Variants in STRADA observed in about 807,000 individuals in gnomAD.
STRADA encodes STE20 related adaptor alpha.
A neutral mutation model predicts 55.0 loss-of-function variants in STRADA; 26 were observed. The observed-to-expected ratio is 0.47, with a 90% CI of 0.35 to 0.66. The LOEUF is 0.66. Ranked by LOEUF, STRADA falls within the 30% of genes least tolerant of loss-of-function variation. The pLI is 0.01. For synonymous variants in STRADA, 197 were observed against 210.9 expected, an observed-to-expected ratio of 0.93 and a Z score of 0.57; for missense variants, 443 against 549.7, an observed-to-expected ratio of 0.81 and a Z score of 1.94.
In STRADA at chr17:63,723,208, T is replaced by A. The variant is rs1327405889; in HGVS notation, c.123+90A>T. On this transcript the variant is annotated intron_variant, in intron 4 of 12. Coordinates refer to ENST00000336174, the MANE Select transcript of STRADA (RefSeq NM_001003787.4). ...GCTCAGTGACAGATAAGCAGAAACA[T>A]AAAATGATAAGCCAACAAAACACAC... is the stretch of plus-strand genomic sequence containing the variant. 7 of 1,422,614 alleles carry A rather than the reference T, an allele frequency of 4.9e-6. No homozygotes were observed. In the Admixed American group the frequency reaches 1.2e-4, roughly 24 times the overall value. The allele number at this position is 1,422,614 out of a possible 1,614,324, so 88.1% of individuals were successfully genotyped here. A position where few individuals can be genotyped will look rare whatever the true frequency, so the allele number is the denominator to read the frequency against.
chr17:63,716,095 G>GTT (rs536853800), intron 4 of STRADA, among the ~76,000 whole-genome samples: 25 of 134,908 alleles, frequency 1.9e-4, no homozygotes, highest in East Asian at 6.4e-4. Flanking sequence ...AACGTACGTG[G>GTT]TTTTTTTTTT....
At chr17:63,733,044 C>T (rs1031907719) in intron 1 of STRADA, among the ~76,000 whole-genome samples, 5 of 152,200 alleles carry the variant, frequency 3.3e-5, no homozygotes, top group Admixed American at 1.3e-4. Flanking sequence ...CCCGCCACCA[C>T]ACCCAGCTAG....
At chr17:63,732,703 G>C (rs2038154806) in intron 1 of STRADA, among the ~76,000 whole-genome samples, 1 of 152,074 alleles carries the variant, frequency 6.6e-6, no homozygotes, top group Admixed American at 6.6e-5. Flanking sequence ...GGTGAGGTGG[G>C]AGGATACCTT....
intron 4 of STRADA, among the ~76,000 whole-genome samples, chr17:63,722,063 A>G (rs2037355957): frequency 6.6e-6 from 1 of 152,254 alleles, no homozygotes; most frequent in Non-Finnish European, 1.5e-5. Context: ...GATAAAAAGA[A>G]TGAACTATTT....
At chr17:63,714,400 A>G in intron 4 of STRADA, 1 of 355,872 alleles carries the variant, frequency 2.8e-6, no homozygotes, top group South Asian at 2.3e-5. Context: ...GCTAAAAGCT[A>G]TGAAATTCTC....
intron 10 of STRADA, 124 bp downstream of exon 10, chr17:63,706,511 T>C: frequency 1.4e-6 from 1 of 725,566 alleles, no homozygotes; most frequent in Non-Finnish European, 2.3e-6. Flanking sequence ...TGGGACTTCT[T>C]GAAGGAAAAG....
intron 4 of STRADA, among the ~76,000 whole-genome samples, chr17:63,719,888 G>A (rs1204894333): frequency 6.6e-6 from 1 of 152,150 alleles, no homozygotes; most frequent in African/African-American, 2.4e-5. Flanking sequence ...TTCTTGCTAA[G>A]CCTAGGTAGG....
At chr17:63,739,881 C>T (rs2038761769) in intron 1 of STRADA, among the ~76,000 whole-genome samples, 1 of 146,086 alleles carries the variant, frequency 6.8e-6, no homozygotes, top group African/African-American at 2.5e-5. Context: ...ACGGCTGCTC[C>T]GACGAAGGCC....
Position 63,707,316 on chromosome 17 carries a change from T to TCGCTGC in STRADA, c.678_683dup (p.Gln227_Arg228dup). 6.2e-7 allele frequency: 1 copy of TCGCTGC among 1,614,186 alleles called. No homozygotes were observed. Among genetic ancestry groups the TCGCTGC allele is most frequent in the South Asian group, 1.1e-5 (1 of 91,084 alleles). On this transcript the variant is annotated inframe_insertion, in exon 9 of 13. Coordinates refer to ENST00000336174, the MANE Select transcript of STRADA (RefSeq NM_001003787.4). ...TGTACTTGGGAAAATCGTGGACCAC[T>TCGCTGC]CGCTGCCGCTGCCCATGGCTTATCA...
At chr17:63,718,400 C>T (rs141629934) in intron 4 of STRADA, among the ~76,000 whole-genome samples, 14 of 152,316 alleles carry the variant, frequency 9.2e-5, no homozygotes, top group African/African-American at 3.1e-4. Flanking sequence ...AACTCTCCAT[C>T]GGTTTAGAAT....
intron 4 of STRADA, among the ~76,000 whole-genome samples, chr17:63,720,076 C>T (rs1411113414): frequency 6.6e-6 from 1 of 150,758 alleles, no homozygotes; most frequent in Admixed American, 6.6e-5. Context: ...GGCTGGAGTA[C>T]AGTGGCATGA....
rs755690578 is a variant in STRADA at position 63,728,373 on chromosome 17, T to G, written c.-4A>C. 1 of 1,612,696 alleles carries G rather than the reference T, an allele frequency of 6.2e-7. No homozygotes were observed. The highest frequency in any genetic ancestry group is 1.1e-5 in the South Asian group (1 of 90,982). Reference sequence around the variant, plus strand: ...GTTTACTTACAAGAAATGACATGAGTTCCTACTGTGTAGGCCTACTTCAGT... The same window carrying G: ...GTTTACTTACAAGAAATGACATGAGGTCCTACTGTGTAGGCCTACTTCAGT... On this transcript the variant is annotated 5_prime_UTR_variant, in exon 2 of 13. Coordinates refer to ENST00000336174, the MANE Select transcript of STRADA (RefSeq NM_001003787.4).
intron 1 of STRADA, among the ~76,000 whole-genome samples, chr17:63,740,086 C>CTATA (rs771962134): frequency 0.03 from 1,241 of 40,848 alleles, 70 homozygotes; most frequent in South Asian, 0.059. Flanking sequence ...ACATTTAACA[C>CTATA]TATATATATA....
intron 8 of STRADA, among the ~76,000 whole-genome samples, chr17:63,707,774 A>G (rs926938813): frequency 6.6e-6 from 1 of 150,866 alleles, no homozygotes; most frequent in African/African-American, 2.4e-5. Flanking sequence ...TCTGTCGCAC[A>G]GACTGGAGTG....
intron 4 of STRADA, among the ~76,000 whole-genome samples, chr17:63,715,850 A>C (rs1341150154): frequency 6.6e-6 from 1 of 152,244 alleles, no homozygotes; most frequent in Non-Finnish European, 1.5e-5. Flanking sequence ...TATATTCAGC[A>C]CATGAATATA....
chr17:63,740,682 C>T (rs2038876981), intron 1 of STRADA, among the ~76,000 whole-genome samples: 1 of 152,122 alleles, frequency 6.6e-6, no homozygotes, highest in African/African-American at 2.4e-5. Context: ...GTTAAATGCC[C>T]AAAGTCACAC....
chr17:63,721,613 T>G (rs1292414332), intron 4 of STRADA, among the ~76,000 whole-genome samples: 8 of 143,300 alleles, frequency 5.6e-5, no homozygotes, highest in Non-Finnish European at 1.2e-4. Context: ...ACTCGGGAGG[T>G]TGAGGCAGGA....
chr17:63,733,033 A>G (rs2038179832), intron 1 of STRADA, among the ~76,000 whole-genome samples: 1 of 151,964 alleles, frequency 6.6e-6, no homozygotes, highest in African/African-American at 2.4e-5. Flanking sequence ...GATTACAGGC[A>G]CCCGCCACCA....
chr17:63,709,843 TA>T (rs2036367853), intron 8 of STRADA, among the ~76,000 whole-genome samples: 1 of 152,238 alleles, frequency 6.6e-6, no homozygotes, highest in East Asian at 1.9e-4. Context: ...TCTCTCAGCA[TA>T]AGACTGACTC....
Sources: allele counts gnomAD v4.1 joint callset (sites outside exome capture counted in the v4.1 genomes callset), GRCh38; gene constraint gnomAD v4.1.1; transcripts MANE v1.5; gene names NCBI Gene and HGNC (gene_info 2026-07-23, HGNC 2026-07-21).